The following LRMDA variants were observed in gnomAD, a reference collection of about 807,000 sequenced individuals.
The protein encoded by LRMDA is leucine rich melanocyte differentiation associated.
LRMDA carries 18 observed loss-of-function variants against 29.8 expected under a neutral mutation model. The ratio of observed to expected loss-of-function variants is 0.60; its 90% CI spans 0.42 to 0.90. The LOEUF is 0.90. LRMDA is among the 40% of genes least tolerant of loss of function. The pLI is 0.00. For missense variants in LRMDA, 273 were observed against 273.9 expected, an observed-to-expected ratio of 1.00 and a Z score of 0.02; for synonymous variants, 125 against 109.4, an observed-to-expected ratio of 1.14 and a Z score of -0.89.
At chr10:76,423,201 A>T (rs1322600135) in intron 6 of LRMDA, among the ~76,000 whole-genome samples, 1 of 152,120 alleles carries the variant, frequency 6.6e-6, no homozygotes, top group Non-Finnish European at 1.5e-5. Context: ...TTGAAGCCAG[A>T]CTGAGTAACA....
At chr10:76,060,691 G>A (rs1173769170) in intron 5 of LRMDA, among the ~76,000 whole-genome samples, 1 of 152,198 alleles carries the variant, frequency 6.6e-6, no homozygotes, top group Admixed American at 6.5e-5. Flanking sequence ...GTAAGAGCAG[G>A]ACTGTTCTGT....
chr10:76,164,934 G>A (rs933921820), intron 5 of LRMDA, among the ~76,000 whole-genome samples: 8 of 152,230 alleles, frequency 5.3e-5, no homozygotes, highest in Middle Eastern at 6.8e-3. Flanking sequence ...GTGAGACTAC[G>A]TAATTTATAA....
chr10:75,999,207 G>GA (rs1161286182), intron 2 of LRMDA, among the ~76,000 whole-genome samples: 1 of 152,198 alleles, frequency 6.6e-6, no homozygotes, highest in African/African-American at 2.4e-5. Flanking sequence ...AGACTTCCAG[G>GA]AAGGGGCCTG....
intron 2 of LRMDA, among the ~76,000 whole-genome samples, chr10:76,033,754 C>T (rs1410206209): frequency 6.6e-6 from 1 of 152,094 alleles, no homozygotes; most frequent in East Asian, 1.9e-4. Flanking sequence ...GTGGCCTCAC[C>T]TCCCCTAGTG....
intron 6 of LRMDA, among the ~76,000 whole-genome samples, chr10:76,538,480 A>G (rs1243776120): frequency 7.3e-6 from 1 of 137,124 alleles, no homozygotes; most frequent in East Asian, 2.0e-4. Flanking sequence ...ATGTATATAC[A>G]TATTTATATA....
intron 6 of LRMDA, among the ~76,000 whole-genome samples, chr10:76,542,824 A>G (rs1042999862): frequency 2.0e-5 from 3 of 152,194 alleles, no homozygotes; most frequent in African/African-American, 4.8e-5. Flanking sequence ...AGCTGATTGT[A>G]TGCAGAATGC....
intron 6 of LRMDA, among the ~76,000 whole-genome samples, chr10:76,519,614 C>T (rs1166140777): frequency 6.6e-6 from 1 of 152,018 alleles, no homozygotes; most frequent in African/African-American, 2.4e-5. Context: ...GACAGCTTTC[C>T]CACAAAACTG....
intron 2 of LRMDA, among the ~76,000 whole-genome samples, chr10:75,941,419 A>G (rs528863551): frequency 1.3e-5 from 2 of 152,206 alleles, no homozygotes; most frequent in African/African-American, 4.8e-5. Flanking sequence ...ACTCAGCATA[A>G]GGAGGGGTGG....
chr10:76,374,554 C>A (rs1589156097), intron 6 of LRMDA, among the ~76,000 whole-genome samples: 1 of 152,200 alleles, frequency 6.6e-6, no homozygotes, highest in South Asian at 2.1e-4. Context: ...TCAAAAGTTT[C>A]TTGTCTCCCA....
intron 5 of LRMDA, among the ~76,000 whole-genome samples, chr10:76,307,108 C>A (rs1032204983): frequency 6.6e-6 from 1 of 152,096 alleles, no homozygotes; most frequent in South Asian, 2.1e-4. Flanking sequence ...ACTGTGACCC[C>A]AGCAGCTACC....
At position 76,324,316 on chromosome 10, in the gene LRMDA, C is replaced by A. The variant is rs1388894217; in HGVS notation, c.517-85C>A. 2.6e-6 allele frequency: 3 copies of A among 1,163,002 alleles called. No individual in the cohort carries two copies. The Admixed American group carries it at 5.2e-5, about 20-fold the overall frequency. The allele number at this position is 1,163,002 out of a possible 1,614,324, so 72.0% of individuals were successfully genotyped here. Reference sequence around the variant, plus strand: ...AATAATATTTTCTCCAAGCTCAGATCCCAAGGAGACAGGTCTGGTAAATGA... The same window carrying A: ...AATAATATTTTCTCCAAGCTCAGATACCAAGGAGACAGGTCTGGTAAATGA... On this transcript the variant is annotated intron_variant, in intron 5 of 6. Coordinates refer to ENST00000611255, the MANE Select transcript of LRMDA (RefSeq NM_001305581.2).
At chr10:75,720,578 A>G (rs1842554574) in intron 2 of LRMDA, among the ~76,000 whole-genome samples, 1 of 152,152 alleles carries the variant, frequency 6.6e-6, no homozygotes, top group Non-Finnish European at 1.5e-5. Flanking sequence ...TAGTCAGTGA[A>G]ATTGTGTCGA....
At position 76,324,538 on chromosome 10, in the gene LRMDA, C is replaced by T. The variant is rs370235192; in HGVS notation, c.601+53C>T. On this transcript the variant is annotated intron_variant, in intron 6 of 6. Transcript: ENST00000611255. The stretch of plus-strand genomic sequence containing the variant: ...AGTGGGTGCAGGGAGGGACACTTGG[C>T]TGTGCAGAGCTCTGGCTCATTACTG... 4.6e-6 allele frequency: 7 copies of T among 1,506,042 alleles called. No individual in the cohort carries two copies. The African/African-American group carries it at 9.7e-5, about 21-fold the overall frequency. The allele number at this position is 1,506,042 out of a possible 1,614,324, so 93.3% of individuals were successfully genotyped here. A position where few individuals can be genotyped will look rare whatever the true frequency, so the allele number is the denominator to read the frequency against.
At chr10:75,667,392 C>A (rs185926761) in intron 2 of LRMDA, among the ~76,000 whole-genome samples, 11 of 152,296 alleles carry the variant, frequency 7.2e-5, no homozygotes, top group Admixed American at 7.2e-4. Context: ...GCAGTCTTAA[C>A]CTCCCCAGTG....
chr10:75,891,114 AAAAAG>A (rs1251174195), intron 2 of LRMDA, among the ~76,000 whole-genome samples: 7 of 140,846 alleles, frequency 5.0e-5, no homozygotes, highest in African/African-American at 1.1e-4. Context: ...CACAAAAAAA[AAAAAG>A]AAAGAAAGAA....
At chr10:75,708,470 G>A (rs1201515888) in intron 2 of LRMDA, among the ~76,000 whole-genome samples, 1 of 152,174 alleles carries the variant, frequency 6.6e-6, no homozygotes, top group Non-Finnish European at 1.5e-5. Context: ...TTGGCTGCCA[G>A]GTGATTTAGT....
At chr10:75,994,974 G>T (rs575699569) in intron 2 of LRMDA, among the ~76,000 whole-genome samples, 2 of 152,256 alleles carry the variant, frequency 1.3e-5, no homozygotes, top group Non-Finnish European at 2.9e-5. Flanking sequence ...GAATGTGGCT[G>T]CTTCATACCT....
At chr10:75,513,027 G>A (rs1845244030) in intron 2 of LRMDA, among the ~76,000 whole-genome samples, 1 of 152,146 alleles carries the variant, frequency 6.6e-6, no homozygotes, top group African/African-American at 2.4e-5. Context: ...TCCCTGTAGA[G>A]AGAATCAGAA....
At chr10:76,458,002 A>G (rs957495823) in intron 6 of LRMDA, among the ~76,000 whole-genome samples, 2 of 152,126 alleles carry the variant, frequency 1.3e-5, no homozygotes, top group Non-Finnish European at 2.9e-5. Context: ...ATGTTACAGT[A>G]AGGGAAATAG....
Sources: gnomAD v4.1 joint callset for allele counts (sites outside exome capture counted in the v4.1 genomes callset) on GRCh38, gnomAD v4.1.1 for gene constraint, MANE v1.5 for transcripts, NCBI Gene and HGNC (gene_info 2026-07-23, HGNC 2026-07-21) for gene names.